COL11A1: variants seen among roughly 807,000 people sequenced by gnomAD.
COL11A1 encodes the protein collagen type XI alpha 1 chain, also known as collagen alpha-1(XI) chain.
Under a neutral mutation model 265.2 loss-of-function variants are expected in COL11A1, and 74 were observed. The ratio of observed to expected loss-of-function variants is 0.28; its 90% CI spans 0.23 to 0.34. The LOEUF (loss-of-function observed/expected upper bound fraction) is 0.34. Among genes scored for constraint, COL11A1 ranks in the 10% least tolerant of loss-of-function variants. COL11A1 has a pLI of 1.00. For missense variants in COL11A1, 2,165 were observed against 2,263.6 expected (o/e 0.96, Z 0.88); for synonymous variants, 816 against 727.6 (o/e 1.12, Z -1.96).
At position 102,984,131 on chromosome 1, in the gene COL11A1, G is replaced by T; in HGVS notation, c.2556+7C>A. 1 of 1,589,752 alleles carries T rather than the reference G, an allele frequency of 6.3e-7. No individual in the cohort carries two copies. Among genetic ancestry groups the T allele is most frequent in the Non-Finnish European group, 8.6e-7 (1 of 1,159,934 alleles). ...GTTAATAAACTATAAATATCAAGCT[G>T]TTTTACCTTTGGACCTTGTCTTCCT... On this transcript the variant is annotated splice_region_variant and intron_variant, in intron 31 of 66. Coordinates refer to ENST00000370096, the MANE Select transcript of COL11A1 (RefSeq NM_001854.4).
intron 53 of COL11A1, 106 bp from the exon 54 acceptor site, chr1:102,912,318 A>G: frequency 1.2e-6 from 1 of 822,180 alleles, no homozygotes; most frequent in East Asian, 2.7e-5. Flanking sequence ...TCATTTCCAC[A>G]TGTCAATATT....
intron 4 of COL11A1, among the ~76,000 whole-genome samples, chr1:103,049,220 T>A (rs1435773000): frequency 1.3e-5 from 2 of 152,158 alleles, no homozygotes; most frequent in Non-Finnish European, 2.9e-5. Context: ...CCCATTATTA[T>A]TGTGTGGGAG....
At chr1:102,878,735 C>G (rs942476204) in intron 66 of COL11A1, among the ~76,000 whole-genome samples, 1 of 151,398 alleles carries the variant, frequency 6.6e-6, no homozygotes, top group African/African-American at 2.4e-5. Flanking sequence ...TCTTGAACTC[C>G]TGACCTCAGG....
At chr1:103,030,768 A>G in intron 5 of COL11A1, 1 of 320,752 alleles carries the variant, frequency 3.1e-6, no homozygotes. Context: ...ACACCAGAAA[A>G]TATGTTATTC....
At chr1:102,984,116 T>G (rs1352154395) in intron 31 of COL11A1, 22 bp downstream of exon 31, 2 of 1,540,682 alleles carry the variant, frequency 1.3e-6, no homozygotes, top group Non-Finnish European at 1.8e-6. Flanking sequence ...GTTAATAAAC[T>G]ATAAATATCA....
intron 42 of COL11A1, among the ~76,000 whole-genome samples, chr1:102,945,922 C>T (rs1274877493): frequency 6.6e-6 from 1 of 150,424 alleles, no homozygotes; most frequent in Non-Finnish European, 1.5e-5. Flanking sequence ...GACTTGGAAC[C>T]AACCCAAATG....
At chr1:103,088,842 G>A (rs760433415) in intron 1 of COL11A1, among the ~76,000 whole-genome samples, 5 of 152,148 alleles carry the variant, frequency 3.3e-5, no homozygotes, top group African/African-American at 7.2e-5. Context: ...ACATGGACAC[G>A]GAGAAAATTT....
intron 4 of COL11A1, among the ~76,000 whole-genome samples, chr1:103,071,083 TGAG>T (rs1047156770): frequency 6.6e-6 from 1 of 152,016 alleles, no homozygotes; most frequent in African/African-American, 2.4e-5. Flanking sequence ...AAATATTTTC[TGAG>T]GAGTTTAAAA....
At chr1:103,102,267 G>T (rs976522365) in intron 1 of COL11A1, among the ~76,000 whole-genome samples, 23 of 152,028 alleles carry the variant, frequency 1.5e-4, no homozygotes, top group Non-Finnish European at 8.8e-5. Flanking sequence ...GAATTAAATT[G>T]CAAGAGAATT....
At chr1:103,096,742 T>TG in intron 1 of COL11A1, among the ~76,000 whole-genome samples, 1 of 152,114 alleles carries the variant, frequency 6.6e-6, no homozygotes, top group Non-Finnish European at 1.5e-5. Flanking sequence ...AATAAACAAT[T>TG]GGTCATCTCA....
At chr1:102,953,781 A>G (rs1195691421) in intron 41 of COL11A1, among the ~76,000 whole-genome samples, 1 of 152,178 alleles carries the variant, frequency 6.6e-6, no homozygotes, top group African/African-American at 2.4e-5. Flanking sequence ...AAAGAAGGGT[A>G]GGGCTTTTTC....
rs192249432 is a variant in COL11A1, at chr1:102,952,247, C to T, written c.3169-5291G>A. 4.4e-3 allele frequency among the ~76,000 whole-genome samples: 672 copies of T among 152,096 alleles called. 5 individuals carry two copies. The highest frequency in any genetic ancestry group is 6.8e-3 in the Non-Finnish European group (461 of 67,976). ...CTGAGTAGCAGAGACTACAGGCACCCGCCACCACGTCCAGGTAATTTTTGT... is the reference window on the plus strand; with the variant it reads ...CTGAGTAGCAGAGACTACAGGCACCTGCCACCACGTCCAGGTAATTTTTGT... On this transcript the variant is annotated intron_variant, in intron 41 of 66. Coordinates refer to ENST00000370096, the MANE Select transcript of COL11A1 (RefSeq NM_001854.4).
chr1:103,096,945 A>C (rs759919227), intron 1 of COL11A1, among the ~76,000 whole-genome samples: 7 of 151,974 alleles, frequency 4.6e-5, no homozygotes, highest in Non-Finnish European at 1.0e-4. Context: ...CTCCCTTATG[A>C]AGTGGAAGTT....
chr1:103,059,892 A>G (rs149455747), intron 4 of COL11A1, among the ~76,000 whole-genome samples: 108 of 152,188 alleles, frequency 7.1e-4, no homozygotes, highest in Non-Finnish European at 1.3e-3. Flanking sequence ...CAACAACAAA[A>G]TATGTAATTA....
At chr1:103,046,320 CA>C (rs752876163) in intron 4 of COL11A1, among the ~76,000 whole-genome samples, 81 of 125,620 alleles carry the variant, frequency 6.4e-4, no homozygotes, top group Non-Finnish European at 1.1e-3. Flanking sequence ...GATGGTATCT[CA>C]TTGTGGTTTT....
intron 46 of COL11A1, among the ~76,000 whole-genome samples, chr1:102,928,195 A>G (rs1418173868): frequency 6.6e-6 from 1 of 151,842 alleles, no homozygotes; most frequent in Non-Finnish European, 1.5e-5. Context: ...GGTGTGCTGC[A>G]CCCACTAACT....
chr1:102,940,885 G>T lies in COL11A1; in HGVS notation c.3277-451C>A, dbSNP rs953359998. Among the ~76,000 whole-genome samples, 6 of 151,970 alleles carry T rather than the reference G, an allele frequency of 3.9e-5. 1 individual carries two copies. The highest frequency in any genetic ancestry group is 5.9e-5 in the Non-Finnish European group (4 of 67,964). The stretch of plus-strand genomic sequence containing the variant: ...GTAACTTTCTTATTTTTAAGTGTTT[G>T]TTTTGGTTCTCCTGGTTTTTAAAAA... On this transcript the variant is annotated intron_variant, in intron 42 of 66. Transcript: ENST00000370096.
intron 13 of COL11A1, among the ~76,000 whole-genome samples, chr1:103,013,493 A>C (rs889338806): frequency 1.3e-5 from 2 of 151,952 alleles, no homozygotes; most frequent in Non-Finnish European, 2.9e-5. Flanking sequence ...ATCTTTAGTA[A>C]ATTATTTTAA....
intron 38 of COL11A1, among the ~76,000 whole-genome samples, chr1:102,963,408 A>G (rs146853377): frequency 3.5e-4 from 54 of 152,306 alleles, no homozygotes; most frequent in African/African-American, 1.2e-3. Flanking sequence ...AAAGTGAACA[A>G]TATCAGGTCA....
Sources: allele counts gnomAD v4.1 joint callset (sites outside exome capture counted in the v4.1 genomes callset), GRCh38; gene constraint gnomAD v4.1.1; transcripts MANE v1.5; gene names NCBI Gene and HGNC (gene_info 2026-07-23, HGNC 2026-07-21).